Variants in DYNC1I1 observed in about 807,000 individuals in gnomAD.
DYNC1I1 encodes dynein cytoplasmic 1 intermediate chain 1.
DYNC1I1 carries 43 observed loss-of-function variants against 86.6 expected under a neutral mutation model. The ratio of observed to expected loss-of-function variants is 0.50; its 90% CI spans 0.39 to 0.64. The LOEUF (loss-of-function observed/expected upper bound fraction) is 0.64, where lower values mean the gene tolerates loss of function less well. Among genes scored for constraint, DYNC1I1 ranks in the 30% least tolerant of loss-of-function variants. The pLI is 0.00. For synonymous variants in DYNC1I1, 262 were observed against 283.7 expected, an observed-to-expected ratio of 0.92 and a Z score of 0.77; for missense variants, 604 against 788.8, an observed-to-expected ratio of 0.77 and a Z score of 2.81.
At chr7:95,785,204 G>C (rs1261004410) in intron 1 of DYNC1I1, among the ~76,000 whole-genome samples, 1 of 152,106 alleles carries the variant, frequency 6.6e-6, no homozygotes, top group African/African-American at 2.4e-5. Flanking sequence ...TTGAGTTCAG[G>C]AGTTCGAGAC....
At chr7:95,990,220 ACAGT>A (rs145173614) in intron 9 of DYNC1I1, among the ~76,000 whole-genome samples, 2,257 of 152,238 alleles carry the variant, frequency 0.015, 38 homozygotes, top group African/African-American at 0.045. Flanking sequence ...ATTATTTAAC[ACAGT>A]CAGTCAATAA....
Position 96,032,664 on chromosome 7 carries a change from C to T in DYNC1I1, c.1117-3C>T. The T allele has an allele frequency of 6.2e-7, 1 of 1,608,090 alleles. No individual in the cohort carries two copies. The highest frequency in any genetic ancestry group is 8.5e-7 in the Non-Finnish European group (1 of 1,176,036). On this transcript the variant is annotated splice_polypyrimidine_tract_variant and splice_region_variant and intron_variant, in intron 11 of 16. Coordinates refer to ENST00000447467, the MANE Select transcript of DYNC1I1 (RefSeq NM_001135556.2). ...CTGATCCTCTTTGTTTATGTTTTTG[C>T]AGCATCCCGTGTACTGTGTAAATGT... is the stretch of plus-strand genomic sequence containing the variant.
At chr7:96,082,313 TTTTCTTCC>T (rs1281007967) in intron 16 of DYNC1I1, among the ~76,000 whole-genome samples, 40 of 152,262 alleles carry the variant, frequency 2.6e-4, no homozygotes, top group Admixed American at 7.2e-4. Flanking sequence ...TCTCTCTTTC[TTTTCTTCC>T]TTTCTTCCTT....
intron 13 of DYNC1I1, 33 bp downstream of exon 13, chr7:96,035,785 TC>T (rs1794914728): frequency 4.4e-6 from 7 of 1,606,516 alleles, no homozygotes; most frequent in Non-Finnish European, 4.2e-6. Flanking sequence ...GATGACATGT[TC>T]TTCATTTCCG....
intron 14 of DYNC1I1, among the ~76,000 whole-genome samples, chr7:96,059,722 A>T (rs967182118): frequency 6.6e-6 from 1 of 152,174 alleles, no homozygotes; most frequent in Admixed American, 6.5e-5. Context: ...ACGAATCTTC[A>T]AAAGTAGTTA....
At chr7:95,791,083 G>A (rs1463974998) in intron 1 of DYNC1I1, among the ~76,000 whole-genome samples, 10 of 152,298 alleles carry the variant, frequency 6.6e-5, no homozygotes, top group Non-Finnish European at 1.2e-4. Flanking sequence ...CATGTGTAAT[G>A]CTGATCTATT....
At chr7:96,080,853 C>T (rs758081551) in intron 16 of DYNC1I1, among the ~76,000 whole-genome samples, 8 of 152,036 alleles carry the variant, frequency 5.3e-5, no homozygotes, top group Non-Finnish European at 8.8e-5. Flanking sequence ...AGGTGGATCA[C>T]GAGGTCAGGA....
intron 14 of DYNC1I1, among the ~76,000 whole-genome samples, chr7:96,070,902 T>C (rs1243460623): frequency 6.6e-6 from 1 of 152,182 alleles, no homozygotes; most frequent in Non-Finnish European, 1.5e-5. Context: ...GTGAAATCAT[T>C]TTGTTTACTT....
At chr7:95,864,025 A>T (rs893558014) in intron 5 of DYNC1I1, among the ~76,000 whole-genome samples, 1 of 152,234 alleles carries the variant, frequency 6.6e-6, no homozygotes, top group South Asian at 2.1e-4. Flanking sequence ...GGTAATGTAC[A>T]TGTTTCTCAT....
chr7:95,877,565 C>G (rs1790342833), intron 6 of DYNC1I1, among the ~76,000 whole-genome samples: 1 of 152,164 alleles, frequency 6.6e-6, no homozygotes, highest in Admixed American at 6.5e-5. Context: ...AAAGAGCTAA[C>G]ATGATTTTCA....
At chr7:95,956,250 A>T (rs1051985409) in intron 6 of DYNC1I1, among the ~76,000 whole-genome samples, 1 of 152,020 alleles carries the variant, frequency 6.6e-6, no homozygotes, top group Non-Finnish European at 1.5e-5. Flanking sequence ...AATACGTAGT[A>T]TTAAGTGCTT....
chr7:95,817,124 C>T (rs1794964035), intron 4 of DYNC1I1, among the ~76,000 whole-genome samples: 1 of 151,370 alleles, frequency 6.6e-6, no homozygotes, highest in Non-Finnish European at 1.5e-5. Flanking sequence ...TAGCTCAGAA[C>T]TGTAATACCA....
intron 5 of DYNC1I1, chr7:95,837,474 C>G (rs1341660683): frequency 6.6e-6 from 1 of 152,284 alleles, no homozygotes; most frequent in Non-Finnish European, 1.5e-5. Flanking sequence ...GGCAGGCCTC[C>G]TTGAGCTGTG....
rs117776130 is a variant in DYNC1I1 at position 95,965,023 on chromosome 7, C to T, written c.491-12489C>T. ...TTATGAGATAGAGCTGGACACATGG[C>T]GTGGTCTTGTGCTGGGGAACACAAA... On this transcript the variant is annotated intron_variant, in intron 6 of 16. Transcript: ENST00000447467. Among the ~76,000 whole-genome samples the T allele has an allele frequency of 1.8e-3, 272 of 152,222 alleles. 1 individual carries two copies. The highest frequency in any genetic ancestry group is 6.0e-3 in the African/African-American group (249 of 41,534).
chr7:95,850,074 G>A (rs185602240), intron 5 of DYNC1I1, among the ~76,000 whole-genome samples: 2 of 145,138 alleles, frequency 1.4e-5, no homozygotes, highest in Admixed American at 7.0e-5. Context: ...ACAAGTTAAC[G>A]GCATTTGTTT....
intron 5 of DYNC1I1, among the ~76,000 whole-genome samples, chr7:95,850,164 T>G (rs1386053281): frequency 1.3e-5 from 2 of 152,208 alleles, no homozygotes; most frequent in Non-Finnish European, 2.9e-5. Context: ...GGGAGCAATT[T>G]AACTTATTCT....
chr7:95,979,324 C>CT (rs1238556793), intron 7 of DYNC1I1, among the ~76,000 whole-genome samples: 5 of 152,230 alleles, frequency 3.3e-5, no homozygotes, highest in African/African-American at 4.8e-5. Flanking sequence ...TTAGTTTAAC[C>CT]TTTTTTTGCC....
chr7:95,814,385 T>C (rs1794901626), intron 4 of DYNC1I1, among the ~76,000 whole-genome samples: 1 of 152,174 alleles, frequency 6.6e-6, no homozygotes, highest in Non-Finnish European at 1.5e-5. Context: ...AAGTTTTAAA[T>C]AAAAGAAGAA....
At chr7:96,109,588 A>C (rs1212841841) in intron 16 of DYNC1I1, among the ~76,000 whole-genome samples, 1 of 151,784 alleles carries the variant, frequency 6.6e-6, no homozygotes, top group Non-Finnish European at 1.5e-5. Context: ...TTGTGTTTTC[A>C]TTTTCATTCA....
Sources: gnomAD v4.1 joint callset for allele counts (sites outside exome capture counted in the v4.1 genomes callset) on GRCh38, gnomAD v4.1.1 for gene constraint, MANE v1.5 for transcripts, NCBI Gene and HGNC (gene_info 2026-07-23, HGNC 2026-07-21) for gene names.